The following PTCD1 variants were observed in gnomAD, a reference collection of about 807,000 sequenced individuals.
The protein encoded by PTCD1 is pentatricopeptide repeat domain 1.
In PTCD1, 50 loss-of-function variants were observed where a neutral mutation model predicts 53.4. The ratio of observed to expected loss-of-function variants is 0.94; its 90% CI spans 0.75 to 1.19. PTCD1 has a LOEUF of 1.19. Among genes scored for constraint, PTCD1 ranks in the 50% most tolerant of loss-of-function variants. The pLI is 0.00. For synonymous variants in PTCD1, 413 were observed against 394.8 expected (o/e 1.05, Z -0.55); for missense variants, 918 against 904.8 (o/e 1.01, Z -0.19).
At chr7:99,434,655 T>G in intron 2 of PTCD1, 135 bp downstream of exon 2, 1 of 1,112,548 alleles carries the variant, frequency 9.0e-7, no homozygotes, top group African/African-American at 1.6e-5. Context: ...GTTGCGATAC[T>G]TACAGCCATA....
chr7:99,419,382 C>A lies in PTCD1; in HGVS notation c.*585G>T. The A allele has an allele frequency of 6.2e-7, 1 of 1,613,038 alleles. No individual in the cohort carries two copies. The highest frequency in any genetic ancestry group is 2.2e-5 in the East Asian group (1 of 44,876). On this transcript the variant is annotated 3_prime_UTR_variant, in exon 8 of 8. Transcript: ENST00000292478. ...AGTGGCATCGTCTCACTGTCCTCCT[C>A]CGTTGCAGGGCCGCATCATCGAGTG...
intron 7 of PTCD1, among the ~76,000 whole-genome samples, chr7:99,422,110 C>A (rs1445364095): frequency 1.3e-5 from 2 of 152,120 alleles, no homozygotes; most frequent in African/African-American, 2.4e-5. Context: ...ATATAAAAAA[C>A]CCTGGAATCA....
chr7:99,427,130 T>TGGG (rs1796065970), intron 5 of PTCD1, among the ~76,000 whole-genome samples: 2 of 125,088 alleles, frequency 1.6e-5, no homozygotes, highest in Admixed American at 8.0e-5. Flanking sequence ...GGGAGGGAGG[T>TGGG]GGGGGTCAGC....
chr7:99,420,515 C>G (rs1206640118), intron 7 of PTCD1, among the ~76,000 whole-genome samples: 3 of 152,244 alleles, frequency 2.0e-5, no homozygotes, highest in Non-Finnish European at 1.5e-5. Flanking sequence ...CCACCTCCCT[C>G]TGACCATTAT....
At position 99,434,935 on chromosome 7, in the gene PTCD1, C is replaced by T. The variant is rs776982093; in HGVS notation, c.308G>A (p.Arg103His). 5.5e-5 allele frequency: 88 copies of T among 1,614,104 alleles called. 2 individuals are homozygous for T. The Admixed American group carries it at 1.2e-3, about 21-fold the overall frequency. Residue 103 changes from arginine (R) to histidine (H), a missense_variant, in exon 2 of 8, where the codon CGC (arginine) becomes CAC (histidine). By Grantham distance (29) the Arg-to-His change is conservative. Coordinates refer to ENST00000292478, the MANE Select transcript of PTCD1 (RefSeq NM_015545.4). ...GTTATGGAACTGGGCTGCGGATTTG[C>T]GGAATAGTCTCCGGGAGGAGTATTT... ...SDKYSSRRLF[R>H]KSAAQFHNLR...
chr7:99,419,942 GCA>G lies in PTCD1; in HGVS notation c.*23_*24del, dbSNP rs1386549247. 2.5e-6 allele frequency: 4 copies of G among 1,613,764 alleles called. No homozygotes were observed. The highest frequency in any genetic ancestry group is 3.4e-6 in the Non-Finnish European group (4 of 1,180,022). On this transcript the variant is annotated 3_prime_UTR_variant, in exon 8 of 8. Coordinates refer to ENST00000292478, the MANE Select transcript of PTCD1 (RefSeq NM_015545.4). ...GCTCCCACAGAGCACTGGGGGCCGA[GCA>G]CATTGTTCCAGCTGTGCTCCCATCA...
At chr7:99,420,288 G>T in intron 7 of PTCD1, 139 bp from the exon 8 acceptor site, 1 of 1,236,786 alleles carries the variant, frequency 8.1e-7, no homozygotes, top group Non-Finnish European at 1.2e-6. Context: ...GGGCAGAAAA[G>T]CTGTGAACAC....
chr7:99,430,216 C>G (rs1207589939), intron 3 of PTCD1, among the ~76,000 whole-genome samples: 1 of 152,226 alleles, frequency 6.6e-6, no homozygotes, highest in Non-Finnish European at 1.5e-5. Context: ...CACCTTGAAA[C>G]CAGGCATGCC....
In PTCD1 at chr7:99,435,134, C is replaced by T; in HGVS notation, c.109G>A (p.Gly37Arg). 1 of 1,601,042 alleles carries T rather than the reference C, an allele frequency of 6.2e-7. No homozygotes were observed. Among genetic ancestry groups the T allele is most frequent in the Non-Finnish European group, 8.5e-7 (1 of 1,175,080 alleles). The change falls in exon 2 of 8, where the codon GGG (glycine) becomes AGG (arginine). Residue 37 changes from glycine (G) to arginine (R), a missense_variant. Physicochemically the swap from Gly to Arg is moderately radical, Grantham distance 125. Transcript: ENST00000292478. ...GGCGCCCACATTGGCCGCATCAGCC[C>T]CTCCCTGCCTCCTGCCCACCTGGCT... is the stretch of plus-strand genomic sequence containing the variant. The part of the protein sequence containing the change: ...CRARWAGGRE[G>R]LMRPMWAPFS...
At position 99,434,887 on chromosome 7, in the gene PTCD1, TCTCTC is replaced by T; in HGVS notation, c.351_355del (p.Arg118Ter). 1 of 1,614,178 alleles carries T rather than the reference TCTCTC, an allele frequency of 6.2e-7. No individual in the cohort carries two copies. Among genetic ancestry groups the T allele is most frequent in the South Asian group, 1.1e-5 (1 of 91,076 alleles). On this transcript the variant is annotated frameshift_variant, in exon 2 of 8. Coordinates refer to ENST00000292478, the MANE Select transcript of PTCD1 (RefSeq NM_015545.4). LOFTEE classifies it high-confidence loss of function. ...TTTGGGCTCCGGTTCCATTTGCTCATCTCTCCGTTCCCCAAACCGCAGGTTATGGA... is the reference window on the plus strand; with the variant it reads ...TTTGGGCTCCGGTTCCATTTGCTCATCGTTCCCCAAACCGCAGGTTATGGA...
At chr7:99,428,998 A>T in intron 5 of PTCD1, 105 bp downstream of exon 5, 1 of 1,346,502 alleles carries the variant, frequency 7.4e-7, no homozygotes, top group Non-Finnish European at 1.1e-6. Context: ...GAGCACAGAT[A>T]TAAAAATACT....
intron 3 of PTCD1, 102 bp from the exon 4 acceptor site, chr7:99,429,908 G>T: frequency 1.4e-6 from 2 of 1,405,852 alleles, no homozygotes; most frequent in South Asian, 1.2e-5. Context: ...CCCCGTCACT[G>T]CATCCACCAG....
chr7:99,423,313 G>A (rs1337922170), intron 7 of PTCD1, among the ~76,000 whole-genome samples: 1 of 152,126 alleles, frequency 6.6e-6, no homozygotes, highest in African/African-American at 2.4e-5. Flanking sequence ...TACAGGGAAG[G>A]CCAGGGCTGC....
At chr7:99,421,942 G>A (rs77356530) in intron 7 of PTCD1, among the ~76,000 whole-genome samples, 1,565 of 152,038 alleles carry the variant, frequency 0.01, 18 homozygotes, top group Non-Finnish European at 0.015. Flanking sequence ...TTTAAGTCAG[G>A]GACATCTGTC....
Position 99,424,786 on chromosome 7 carries a change from T to C in PTCD1, c.1737+9A>G, listed in dbSNP as rs1391781577. 6 of 1,613,930 alleles carry C rather than the reference T, an allele frequency of 3.7e-6. No homozygotes were observed. Among genetic ancestry groups the C allele is most frequent in the Non-Finnish European group, 5.1e-6 (6 of 1,179,990 alleles). Reference sequence around the variant, plus strand: ...CATGGGTGTCCTGCCCAGGCCCGAGTCCACTCACCTTCATGTCTGTGAGAA... The same window carrying C: ...CATGGGTGTCCTGCCCAGGCCCGAGCCCACTCACCTTCATGTCTGTGAGAA... On this transcript the variant is annotated intron_variant, in intron 6 of 7. Transcript: ENST00000292478.
chr7:99,433,416 C>G lies in PTCD1; in HGVS notation c.456G>C (p.Leu152=). The stretch of plus-strand genomic sequence containing the variant: ...TCTCAAACAGGTCCAGGGCTTCAAC[C>G]AGCTGCAGGGAAGAGGCAACAGGGC... ...QCKHLIKEGK[L]VEALDLFERQ... The change falls in exon 3 of 8, where the codon CTG becomes CTC. Residue 152 remains leucine, a splice_region_variant and synonymous_variant. Transcript: ENST00000292478. 2 of 1,614,182 alleles carry G rather than the reference C, an allele frequency of 1.2e-6. No homozygotes were observed. Among genetic ancestry groups the G allele is most frequent in the South Asian group, 1.1e-5 (1 of 91,086 alleles).
chr7:99,427,658 A>G (rs1475183594), intron 5 of PTCD1, among the ~76,000 whole-genome samples: 69 of 148,186 alleles, frequency 4.7e-4, no homozygotes, highest in Non-Finnish European at 4.8e-4. Flanking sequence ...TTTGTGGAAT[A>G]GAAAGGGGGG....
Position 99,435,213 on chromosome 7 carries a change from G to A in PTCD1, c.30C>T (p.Phe10=), listed in dbSNP as rs764475932. ...ACAGTCCCATGGGGCGGGCCCTGGC[G>A]AACAGTCGAGCGAGTCTCACGAAGT... MDFVRLARL[F]ARARPMGLFI... Residue 10 remains phenylalanine, a synonymous_variant, in exon 2 of 8, where the codon TTC becomes TTT. Coordinates refer to ENST00000292478, the MANE Select transcript of PTCD1 (RefSeq NM_015545.4). The A allele has an allele frequency of 3.1e-5, 50 of 1,603,666 alleles. No homozygotes were observed. Among genetic ancestry groups the A allele is most frequent in the Admixed American group, 1.5e-4 (9 of 60,020 alleles).
Position 99,418,259 on chromosome 7 carries a change from G to A in PTCD1, c.*1708C>T, listed in dbSNP as rs1985453. 11,485 of 164,222 alleles carry A rather than the reference G, an allele frequency of 0.07. 826 individuals are homozygous for A. The highest frequency in any genetic ancestry group is 0.32 in the East Asian group (1,733 of 5,336). 10.2% of individuals were successfully genotyped at this position (164,222 alleles called of 1,614,324 possible). On this transcript the variant is annotated 3_prime_UTR_variant, in exon 8 of 8. Coordinates refer to ENST00000292478, the MANE Select transcript of PTCD1 (RefSeq NM_015545.4). ...CGGGATTACAGGCATGAGCTACTGCGCCCAGCCCACTGTGTTTCTTCTTTC... is the reference window on the plus strand; with the variant it reads ...CGGGATTACAGGCATGAGCTACTGCACCCAGCCCACTGTGTTTCTTCTTTC...
Sources: allele counts gnomAD v4.1 joint callset (sites outside exome capture counted in the v4.1 genomes callset), GRCh38; gene constraint gnomAD v4.1.1; transcripts MANE v1.5; gene names NCBI Gene and HGNC (gene_info 2026-07-23, HGNC 2026-07-21).